The following ZNF567 variants were observed in gnomAD, a reference collection of about 807,000 sequenced individuals.
ZNF567 encodes the protein zinc finger protein 567.
In ZNF567, 36 loss-of-function variants were observed where a neutral mutation model predicts 53.9. The ratio of observed to expected loss-of-function variants is 0.67; its 90% CI spans 0.51 to 0.88. The LOEUF is 0.88. ZNF567 is among the 40% of genes least tolerant of loss of function. The pLI is 0.00. For missense variants in ZNF567, 619 were observed against 764.7 expected (o/e 0.81, Z 2.25); for synonymous variants, 224 against 260.4 (o/e 0.86, Z 1.35).
the ZNF567 span, among the ~76,000 whole-genome samples, chr19:36,681,004 AT>A: frequency 6.6e-6 from 1 of 152,196 alleles, no homozygotes; most frequent in African/African-American, 2.4e-5. Context: ...GTTTCCAGAG[AT>A]TAGGACATGG....
At chr19:36,696,837 C>T (rs1388462709) in intron 3 of ZNF567, among the ~76,000 whole-genome samples, 2 of 152,224 alleles carry the variant, frequency 1.3e-5, no homozygotes, top group South Asian at 2.1e-4. Context: ...GAGAGCTTAC[C>T]GTTTTAACCA....
At chr19:36,709,966 T>G (rs898316450) in intron 3 of ZNF567, among the ~76,000 whole-genome samples, 14 of 152,230 alleles carry the variant, frequency 9.2e-5, no homozygotes, top group African/African-American at 3.1e-4. Flanking sequence ...TCCTTGAATA[T>G]GTAAATTAAA....
At chr19:36,723,086 T>G (rs912844097), downstream of ZNF567, 86 of 674,474 alleles carry the variant, frequency 1.3e-4, no homozygotes, top group African/African-American at 1.4e-3. Flanking sequence ...ATTTTGTCAT[T>G]GTGAATTTAT....
At chr19:36,698,199 T>C (rs889463426) in intron 3 of ZNF567, among the ~76,000 whole-genome samples, 1 of 152,240 alleles carries the variant, frequency 6.6e-6, no homozygotes. Flanking sequence ...CTTGTGATAG[T>C]TTACGGAGAA....
chr19:36,700,591 C>G (rs1361124971), intron 3 of ZNF567, among the ~76,000 whole-genome samples: 2 of 151,936 alleles, frequency 1.3e-5, no homozygotes, highest in Non-Finnish European at 2.9e-5. Context: ...ATTATTGCCA[C>G]AATTTCAGAT....
intron 3 of ZNF567, among the ~76,000 whole-genome samples, chr19:36,702,411 GCT>G (rs1241434416): frequency 1.3e-5 from 2 of 151,738 alleles, no homozygotes; most frequent in Non-Finnish European, 2.9e-5. Flanking sequence ...TCTTGGAGTT[GCT>G]CTTCTCGAGG....
At chr19:36,684,685 T>C (rs1472235504), upstream of ZNF567, among the ~76,000 whole-genome samples, 1 of 152,150 alleles carries the variant, frequency 6.6e-6, no homozygotes, top group East Asian at 1.9e-4. Flanking sequence ...CATAAATTAA[T>C]AGGGTAATTA....
intron 5 of ZNF567, among the ~76,000 whole-genome samples, chr19:36,715,736 T>C (rs1242446272): frequency 2.7e-5 from 4 of 147,424 alleles, no homozygotes; most frequent in South Asian, 4.4e-4. Flanking sequence ...TCCATGTTGG[T>C]CAGGCTGGTC....
chr19:36,693,797 AAG>A (rs2038740355), intron 2 of ZNF567, among the ~76,000 whole-genome samples: 1 of 152,244 alleles, frequency 6.6e-6, no homozygotes, highest in East Asian at 1.9e-4. Flanking sequence ...TTGATGATTG[AAG>A]GAAATACAGA....
At chr19:36,726,964 CTTTCTTTCTTTCTTTCTT>C (rs967318862), downstream of ZNF567, 3 of 128,776 alleles carry the variant, frequency 2.3e-5, no homozygotes, top group South Asian at 2.5e-4. Context: ...TTTTGAGTTT[CTTTCTTTCTTTCTTTCTT>C]TTTCTTTCTT....
At chr19:36,715,677 G>T (rs958712604) in intron 5 of ZNF567, among the ~76,000 whole-genome samples, 2 of 150,508 alleles carry the variant, frequency 1.3e-5, no homozygotes, top group African/African-American at 4.9e-5. Context: ...TTACAGGCAT[G>T]AGCCACCACA....
chr19:36,708,002 C>A (rs75888864), intron 3 of ZNF567, among the ~76,000 whole-genome samples: 2 of 152,214 alleles, frequency 1.3e-5, no homozygotes, highest in African/African-American at 2.4e-5. Context: ...CTCAAGCGAT[C>A]CCCCCACCTC....
downstream of ZNF567, among the ~76,000 whole-genome samples, chr19:36,723,542 T>C (rs2040321117): frequency 6.6e-6 from 1 of 152,100 alleles, no homozygotes. Flanking sequence ...GGCCAAACTT[T>C]GAAACTTTTG....
At chr19:36,676,255 G>A in the ZNF567 span, among the ~76,000 whole-genome samples, 15 of 150,768 alleles carry the variant, frequency 9.9e-5, no homozygotes, top group Admixed American at 6.0e-4. Flanking sequence ...TAGTTGAGAC[G>A]GGGTTTCACC....
At chr19:36,692,158 A>G (rs906453329) in intron 2 of ZNF567, among the ~76,000 whole-genome samples, 1 of 152,156 alleles carries the variant, frequency 6.6e-6, no homozygotes, top group Non-Finnish European at 1.5e-5. Flanking sequence ...TTTGTTTGTC[A>G]TGGATAGATA....
chr19:36,694,801 G>A lies in ZNF567; in HGVS notation c.-66-1G>A. 1 of 1,473,326 alleles carries A rather than the reference G, an allele frequency of 6.8e-7. No homozygotes were observed. The highest frequency in any genetic ancestry group is 2.5e-5 in the East Asian group (1 of 40,272). The allele number at this position is 1,473,326 out of a possible 1,614,324, so 91.3% of individuals were successfully genotyped here. ...TTTTTGTCTCGGCTTTGCCTCCTTAGGAACTGCCTCTTTTCTAAAGAGGAC... is the reference window on the plus strand; with the variant it reads ...TTTTTGTCTCGGCTTTGCCTCCTTAAGAACTGCCTCTTTTCTAAAGAGGAC... On this transcript the variant is annotated splice_acceptor_variant, in intron 2 of 5. Coordinates refer to ENST00000682579, the MANE Select transcript of ZNF567 (RefSeq NM_001322917.1). LOFTEE classifies it low-confidence loss of function (5UTR_SPLICE).
intron 5 of ZNF567, among the ~76,000 whole-genome samples, chr19:36,713,552 G>A (rs575498853): frequency 6.6e-6 from 1 of 152,162 alleles, no homozygotes; most frequent in South Asian, 2.1e-4. Flanking sequence ...CAAGGTTACA[G>A]TGAGCTAGGA....
chr19:36,724,230 A>C (rs1336319098), downstream of ZNF567, among the ~76,000 whole-genome samples: 1 of 151,418 alleles, frequency 6.6e-6, no homozygotes, highest in Admixed American at 6.6e-5. Context: ...GGTCTCGAAC[A>C]TCCGACTTCA....
chr19:36,674,389 C>A, the ZNF567 span, among the ~76,000 whole-genome samples: 4 of 152,122 alleles, frequency 2.6e-5, no homozygotes, highest in African/African-American at 9.7e-5. Flanking sequence ...AGGTGATAAC[C>A]CTGGGAGTTC....
Sources: gnomAD v4.1 joint callset for allele counts (sites outside exome capture counted in the v4.1 genomes callset) on GRCh38, gnomAD v4.1.1 for gene constraint, MANE v1.5 for transcripts, NCBI Gene and HGNC (gene_info 2026-07-23, HGNC 2026-07-21) for gene names.